The following CNGA3 variants were observed in gnomAD, a reference collection of about 807,000 sequenced individuals.
CNGA3 encodes cyclic nucleotide-gated channel alpha-3.
Under a neutral mutation model 46.6 loss-of-function variants are expected in CNGA3, and 42 were observed. That is an observed-to-expected ratio of 0.90 (90% CI 0.70 to 1.17). The LOEUF (loss-of-function observed/expected upper bound fraction) is 1.17. Ranked by LOEUF, CNGA3 falls within the 50% of genes most tolerant of loss-of-function variation. The pLI is 0.00. For missense variants in CNGA3, 893 were observed against 890.7 expected (o/e 1.00, Z -0.03); for synonymous variants, 394 against 369.4 (o/e 1.07, Z -0.76).
At chr2:98,372,968 C>T (rs1043073580) in intron 2 of CNGA3, among the ~76,000 whole-genome samples, 1 of 152,206 alleles carries the variant, frequency 6.6e-6, no homozygotes, top group African/African-American at 2.4e-5. Flanking sequence ...GGAAACACCA[C>T]TGAGATTTCA....
intron 1 of CNGA3, among the ~76,000 whole-genome samples, chr2:98,347,713 C>T (rs1558800040): frequency 6.6e-6 from 1 of 152,192 alleles, no homozygotes; most frequent in Non-Finnish European, 1.5e-5. Context: ...CCCGGCACCC[C>T]GACGGCAGAC....
intron 1 of CNGA3, among the ~76,000 whole-genome samples, chr2:98,350,332 T>G (rs1216687621): frequency 2.0e-5 from 3 of 152,248 alleles, no homozygotes; most frequent in African/African-American, 7.2e-5. Flanking sequence ...TGCTCAAAGT[T>G]AGATATGGAC....
At chr2:98,357,054 A>C (rs1236202825) in intron 1 of CNGA3, among the ~76,000 whole-genome samples, 3 of 152,244 alleles carry the variant, frequency 2.0e-5, no homozygotes, top group Admixed American at 6.5e-5. Context: ...ATTCCTCACC[A>C]GTTCCTCCAT....
Position 98,369,881 on chromosome 2 carries a change from TG to T in CNGA3, c.-37-55del, listed in dbSNP as rs1371868359. The T allele has an allele frequency of 1.6e-5, 18 of 1,134,648 alleles. No homozygotes were observed. In the Admixed American group the frequency reaches 3.2e-4, roughly 20 times the overall value. The allele number at this position is 1,134,648 out of a possible 1,614,324, so 70.3% of individuals were successfully genotyped here. ...GCGGTAGCCCTTGCCCTTGATGAGC[TG>T]GGTTTGCAGTTACTTTCCTGTCCTG... On this transcript the variant is annotated intron_variant, in intron 1 of 7. Transcript: ENST00000272602.
At chr2:98,379,791 C>G in intron 3 of CNGA3, 1 of 267,040 alleles carries the variant, frequency 3.7e-6, no homozygotes, top group East Asian at 8.7e-5. Context: ...CATTGCTTTA[C>G]TCTTCCTGCA....
At chr2:98,361,967 A>G (rs528349644) in intron 1 of CNGA3, among the ~76,000 whole-genome samples, 1 of 151,980 alleles carries the variant, frequency 6.6e-6, no homozygotes, top group East Asian at 1.9e-4. Flanking sequence ...TCGGCCTCCC[A>G]AAGTGCTGGG....
chr2:98,390,548 C>T (rs1186958744), intron 6 of CNGA3, among the ~76,000 whole-genome samples: 1 of 152,158 alleles, frequency 6.6e-6, no homozygotes, highest in African/African-American at 2.4e-5. Flanking sequence ...TAGGGGAAGC[C>T]AGGGGCCTGG....
At position 98,396,958 on chromosome 2, in the gene CNGA3, G is replaced by A. The variant is rs762125040; in HGVS notation, c.1788G>A (p.Lys596=). The part of the protein sequence containing the change: ...EALTEYPEAK[K]ALEEKGRQIL... Reference sequence around the variant, plus strand: ...TCACCGAGTACCCCGAAGCCAAGAAGGCCCTGGAGGAGAAAGGACGGCAGA... The same window carrying A: ...TCACCGAGTACCCCGAAGCCAAGAAAGCCCTGGAGGAGAAAGGACGGCAGA... Residue 596 remains lysine (K), a synonymous_variant, in exon 8 of 8, where the codon AAG becomes AAA. Transcript: ENST00000272602. The A allele has an allele frequency of 3.1e-6, 5 of 1,614,176 alleles. No individual in the cohort carries two copies. The South Asian group carries it at 4.4e-5, about 14-fold the overall frequency.
At chr2:98,370,604 A>G (rs1213893754) in intron 2 of CNGA3, among the ~76,000 whole-genome samples, 1 of 152,198 alleles carries the variant, frequency 6.6e-6, no homozygotes, top group Non-Finnish European at 1.5e-5. Context: ...CCCATCAATG[A>G]CATCCTGACA....
chr2:98,377,673 A>G lies in CNGA3; in HGVS notation c.102-14A>G, dbSNP rs200480873. The G allele has an allele frequency of 6.2e-7, 1 of 1,609,584 alleles. No individual in the cohort carries two copies. Among genetic ancestry groups the G allele is most frequent in the East Asian group, 2.2e-5 (1 of 44,820 alleles). On this transcript the variant is annotated splice_polypyrimidine_tract_variant and intron_variant, in intron 2 of 7. Coordinates refer to ENST00000272602, the MANE Select transcript of CNGA3 (RefSeq NM_001298.3). ...TTGAAATCAATTCTGCTTGCTGCAT[A>G]TCTGATTTCCTAGAGCCCACTCGTC...
Position 98,396,352 on chromosome 2 carries a change from C to T in CNGA3, c.1182C>T (p.Thr394=). The part of the protein sequence containing the change: ...DFLVGVLIFA[T]IVGNVGSMIS... Reference sequence around the variant, plus strand: ...TGGTGGGTGTTCTGATTTTTGCCACCATTGTGGGCAATGTGGGCTCCATGA... The same window carrying T: ...TGGTGGGTGTTCTGATTTTTGCCACTATTGTGGGCAATGTGGGCTCCATGA... Residue 394 remains threonine (T), a synonymous_variant, in exon 8 of 8, where the codon ACC becomes ACT. Coordinates refer to ENST00000272602, the MANE Select transcript of CNGA3 (RefSeq NM_001298.3). 1 of 1,612,512 alleles carries T rather than the reference C, an allele frequency of 6.2e-7. No individual in the cohort carries two copies. Among genetic ancestry groups the T allele is most frequent in the Non-Finnish European group, 8.5e-7 (1 of 1,178,776 alleles).
At chr2:98,371,602 A>T (rs780209096) in intron 2 of CNGA3, among the ~76,000 whole-genome samples, 9 of 152,284 alleles carry the variant, frequency 5.9e-5, no homozygotes, top group South Asian at 4.1e-4. Flanking sequence ...AGGAAGTGTG[A>T]TATGGCTTCA....
At chr2:98,376,651 G>A (rs562070208) in intron 2 of CNGA3, among the ~76,000 whole-genome samples, 49 of 152,182 alleles carry the variant, frequency 3.2e-4, no homozygotes, top group Non-Finnish European at 6.5e-4. Context: ...CAATCACCAG[G>A]GAGAGACTGA....
intron 1 of CNGA3, among the ~76,000 whole-genome samples, chr2:98,348,011 C>G (rs1304771416): frequency 6.6e-6 from 1 of 152,178 alleles, no homozygotes; most frequent in Non-Finnish European, 1.5e-5. Context: ...TGGTATCCAC[C>G]AACTGGGTCT....
chr2:98,389,255 C>A (rs1028701138), intron 5 of CNGA3, among the ~76,000 whole-genome samples: 1 of 152,228 alleles, frequency 6.6e-6, no homozygotes, highest in Non-Finnish European at 1.5e-5. Context: ...TTTCCAGGCC[C>A]AGCCCTGGAA....
At chr2:98,388,117 G>T (rs992927521) in intron 5 of CNGA3, among the ~76,000 whole-genome samples, 1 of 152,104 alleles carries the variant, frequency 6.6e-6, no homozygotes, top group Non-Finnish European at 1.5e-5. Flanking sequence ...ATCCCAATGC[G>T]CTGGAAGCAC....
Position 98,383,442 on chromosome 2 carries a change from G to A in CNGA3, c.449+1G>A. 1.9e-6 allele frequency: 3 copies of A among 1,614,192 alleles called. No individual in the cohort carries two copies. The South Asian group carries it at 3.3e-5, about 18-fold the overall frequency. ...ACACCAGCAACAACACGGAGGAGGA[G>A]TAAGTACCCACACACCCAGCAGAGC... On this transcript the variant is annotated splice_donor_variant, in intron 5 of 7. Coordinates refer to ENST00000272602, the MANE Select transcript of CNGA3 (RefSeq NM_001298.3). LOFTEE classifies it high-confidence loss of function.
intron 5 of CNGA3, among the ~76,000 whole-genome samples, chr2:98,386,485 C>T (rs985633753): frequency 6.6e-6 from 1 of 152,208 alleles, no homozygotes; most frequent in Non-Finnish European, 1.5e-5. Flanking sequence ...CGTGCCGCCA[C>T]GTAAGATGTG....
chr2:98,363,985 G>A (rs889855555), intron 1 of CNGA3, among the ~76,000 whole-genome samples: 4 of 152,128 alleles, frequency 2.6e-5, no homozygotes, highest in Admixed American at 1.3e-4. Flanking sequence ...CCTTTATTGG[G>A]TGCATATATA....
Sources: gnomAD v4.1 joint callset for allele counts (sites outside exome capture counted in the v4.1 genomes callset) on GRCh38, gnomAD v4.1.1 for gene constraint, MANE v1.5 for transcripts, NCBI Gene and HGNC (gene_info 2026-07-23, HGNC 2026-07-21) for gene names.